ZC3HC1: variants seen among roughly 807,000 people sequenced by gnomAD.
ZC3HC1 encodes zinc finger C3HC-type containing 1.
In ZC3HC1, 38 loss-of-function variants were observed where a neutral mutation model predicts 61.9. The ratio of observed to expected loss-of-function variants is 0.61; its 90% confidence interval spans 0.47 to 0.81. The LOEUF (loss-of-function observed/expected upper bound fraction) is 0.81. Ranked by LOEUF, ZC3HC1 falls within the 30% of genes least tolerant of loss-of-function variation. ZC3HC1 has a pLI of 0.00. For synonymous variants in ZC3HC1, 213 were observed against 229.9 expected, an observed-to-expected ratio of 0.93 and a Z score of 0.67; for missense variants, 554 against 622.7, an observed-to-expected ratio of 0.89 and a Z score of 1.17.
intron 2 of ZC3HC1, chr7:130,043,888 T>C (rs1375490784): frequency 2.2e-6 from 1 of 453,426 alleles, no homozygotes; most frequent in Admixed American, 2.4e-5. Context: ...GTAGTAAATA[T>C]ATTAAGGATA....
At chr7:130,045,053 T>C (rs1193525704) in intron 2 of ZC3HC1, among the ~76,000 whole-genome samples, 1 of 152,208 alleles carries the variant, frequency 6.6e-6, no homozygotes, top group Non-Finnish European at 1.5e-5. Context: ...CTATAAAGAA[T>C]GTTATTAGTA....
At chr7:130,038,616 T>G (rs1224167880) in intron 4 of ZC3HC1, among the ~76,000 whole-genome samples, 1 of 151,586 alleles carries the variant, frequency 6.6e-6, no homozygotes, top group African/African-American at 2.4e-5. Flanking sequence ...CCCAGCAGTT[T>G]GGGAGGCCAA....
intron 4 of ZC3HC1, among the ~76,000 whole-genome samples, chr7:130,032,740 A>C (rs1391621682): frequency 9.0e-6 from 1 of 110,508 alleles, no homozygotes; most frequent in Non-Finnish European, 1.8e-5. Flanking sequence ...GGAGGGAGGG[A>C]CAGTAAGAGG....
intron 9 of ZC3HC1, among the ~76,000 whole-genome samples, chr7:130,021,838 C>T (rs753758319): frequency 1.1e-4 from 17 of 152,074 alleles, no homozygotes; most frequent in African/African-American, 1.9e-4. Context: ...AAAGACGAAC[C>T]GGTTCTATGC....
chr7:130,034,327 T>C (rs1198347051), intron 4 of ZC3HC1, among the ~76,000 whole-genome samples: 2 of 151,188 alleles, frequency 1.3e-5, no homozygotes, highest in African/African-American at 2.4e-5. Flanking sequence ...CTACTAAAAA[T>C]ACAAAAAATT....
At chr7:130,050,193 T>C (rs953621692) in intron 1 of ZC3HC1, among the ~76,000 whole-genome samples, 10 of 152,116 alleles carry the variant, frequency 6.6e-5, no homozygotes, top group Non-Finnish European at 2.9e-5. Context: ...TTCTCCTGCC[T>C]CAGCCTCCCG....
At chr7:130,031,051 G>A (rs1196633565) in intron 4 of ZC3HC1, among the ~76,000 whole-genome samples, 5 of 151,670 alleles carry the variant, frequency 3.3e-5, no homozygotes, top group East Asian at 3.9e-4. Flanking sequence ...ACATCCCAGC[G>A]GGGCGTGGTG....
chr7:130,021,374 G>A (rs1357582876), intron 9 of ZC3HC1, among the ~76,000 whole-genome samples: 2 of 152,198 alleles, frequency 1.3e-5, no homozygotes, highest in Non-Finnish European at 2.9e-5. Flanking sequence ...CAGCTACAAG[G>A]AAAATTTGGG....
intron 2 of ZC3HC1, among the ~76,000 whole-genome samples, chr7:130,048,316 A>ATTTTG (rs1009366741): frequency 4.0e-5 from 6 of 151,828 alleles, no homozygotes; most frequent in Non-Finnish European, 8.8e-5. Flanking sequence ...CACCTGGCTA[A>ATTTTG]TTTTGTTTTG....
chr7:130,024,072 T>C (rs1272812054), intron 7 of ZC3HC1, among the ~76,000 whole-genome samples, 191 bp downstream of exon 7: 2 of 152,196 alleles, frequency 1.3e-5, no homozygotes, highest in African/African-American at 4.8e-5. Context: ...AGTGCTGGGA[T>C]CATAGGCGTG....
rs1795027166 is a variant in ZC3HC1, at chr7:130,050,298, T to C, written c.146+923A>G. 8 of 828,486 alleles carry C rather than the reference T, an allele frequency of 9.7e-6. No individual in the cohort carries two copies. The South Asian group carries it at 1.2e-4, about 12-fold the overall frequency. The allele number at this position is 828,486 out of a possible 1,614,324, so 51.3% of individuals were successfully genotyped here. ...TTCACCGTGTTAGCCAGGATGGTCT[T>C]GATCTCCTGACCTCGTGATCTGCCC... On this transcript the variant is annotated intron_variant, in intron 1 of 9. Transcript: ENST00000358303.
intron 4 of ZC3HC1, chr7:130,039,207 GGT>G: frequency 2.3e-6 from 1 of 431,344 alleles, no homozygotes; most frequent in Non-Finnish European, 4.1e-6. Flanking sequence ...AGCTGGGCGT[GGT>G]GGCGCACGCC....
At chr7:130,051,417 TC>T (rs771057526), upstream of ZC3HC1, 2 of 1,609,308 alleles carry the variant, frequency 1.2e-6, no homozygotes, top group Admixed American at 3.4e-5. Context: ...CTCCGGAACT[TC>T]CGTCCTGGGA....
At chr7:130,048,653 C>G (rs1177906602) in intron 2 of ZC3HC1, among the ~76,000 whole-genome samples, 1 of 152,164 alleles carries the variant, frequency 6.6e-6, no homozygotes, top group African/African-American at 2.4e-5. Context: ...CATTTGCTAA[C>G]AGGTTCATCT....
chr7:130,041,581 A>G (rs1447391544), intron 2 of ZC3HC1, among the ~76,000 whole-genome samples: 1 of 149,770 alleles, frequency 6.7e-6, no homozygotes, highest in Non-Finnish European at 1.5e-5. Flanking sequence ...CTGGAGTACA[A>G]TGGCACAGTC....
chr7:130,046,045 C>T (rs758295228), intron 2 of ZC3HC1, among the ~76,000 whole-genome samples: 6 of 152,008 alleles, frequency 3.9e-5, no homozygotes, highest in Non-Finnish European at 7.4e-5. Flanking sequence ...CAAACTAACA[C>T]AGGAACAGAA....
chr7:130,026,471 G>A lies in ZC3HC1; in HGVS notation c.622-159C>T, dbSNP rs990682626. The A allele has an allele frequency of 4.3e-6, 3 of 691,600 alleles. No individual in the cohort carries two copies. The African/African-American group carries it at 5.4e-5, about 12-fold the overall frequency. The allele number at this position is 691,600 out of a possible 1,614,324, so 42.8% of individuals were successfully genotyped here. On this transcript the variant is annotated intron_variant, in intron 5 of 9. Transcript: ENST00000358303. ...AGAACAAAATACTTCCAGGGACAGG[G>A]CTATAGTATCACACAGAAGCTTTCT...
chr7:130,025,870 CAAAA>C (rs71175064), intron 6 of ZC3HC1, among the ~76,000 whole-genome samples: 16 of 58,594 alleles, frequency 2.7e-4, no homozygotes, highest in Admixed American at 1.4e-3. Context: ...GACTCCGTCT[CAAAA>C]AAAAAAAAAA....
At chr7:130,030,686 T>C (rs1165743324) in intron 4 of ZC3HC1, among the ~76,000 whole-genome samples, 1 of 151,558 alleles carries the variant, frequency 6.6e-6, no homozygotes, top group African/African-American at 2.4e-5. Flanking sequence ...TTTTTTTTTT[T>C]TTTGAGACAA....
Sources: gnomAD v4.1 joint callset for allele counts (sites outside exome capture counted in the v4.1 genomes callset) on GRCh38, gnomAD v4.1.1 for gene constraint, MANE v1.5 for transcripts, NCBI Gene and HGNC (gene_info 2026-07-23, HGNC 2026-07-21) for gene names.